Variants in MIPOL1 observed in about 807,000 individuals in gnomAD.
MIPOL1 encodes the protein mirror-image polydactyly 1.
Under a neutral mutation model 60.9 loss-of-function variants are expected in MIPOL1, and 57 were observed. That is an observed-to-expected ratio of 0.94 (90% CI 0.76 to 1.17). MIPOL1 has a LOEUF of 1.17. MIPOL1 is among the 50% of genes most tolerant of loss of function. The pLI is 0.00. For synonymous variants in MIPOL1, 179 were observed against 168.8 expected, an observed-to-expected ratio of 1.06 and a Z score of -0.47; for missense variants, 551 against 511.6, an observed-to-expected ratio of 1.08 and a Z score of -0.74.
In MIPOL1 at chr14:37,444,452, C is replaced by G. The variant is rs112322328; in HGVS notation, c.1031+21503C>G. On this transcript the variant is annotated intron_variant, in intron 11 of 12. Coordinates refer to ENST00000684589, the MANE Select transcript of MIPOL1 (RefSeq NM_001388067.1). ...ATATTTCTGTGATATCAATTCTCTC[C>G]AAATTGATCTGCAGGCTATATATTA... Among the ~76,000 whole-genome samples the G allele has an allele frequency of 3.1e-3, 468 of 152,156 alleles. 4 individuals carry two copies. Among genetic ancestry groups the G allele is most frequent in the Middle Eastern group, 0.031 (9 of 294 alleles).
At chr14:37,213,057 C>T (rs1966965090) in intron 1 of MIPOL1, among the ~76,000 whole-genome samples, 1 of 152,160 alleles carries the variant, frequency 6.6e-6, no homozygotes, top group Admixed American at 6.5e-5. Context: ...TAGGTCACAC[C>T]TGAGTCCTTT....
At chr14:37,447,249 C>G (rs1009938641) in intron 11 of MIPOL1, among the ~76,000 whole-genome samples, 1 of 151,934 alleles carries the variant, frequency 6.6e-6, no homozygotes, top group African/African-American at 2.4e-5. Flanking sequence ...TTAACCCTAA[C>G]CTCACATCCT....
chr14:37,346,108 TC>T (rs2090928171), intron 9 of MIPOL1, among the ~76,000 whole-genome samples: 1 of 152,056 alleles, frequency 6.6e-6, no homozygotes, highest in African/African-American at 2.4e-5. Context: ...GGCAGACAGA[TC>T]AATTGAGGTC....
chr14:37,489,720 C>T (rs1479231316), intron 11 of MIPOL1, among the ~76,000 whole-genome samples: 1 of 152,186 alleles, frequency 6.6e-6, no homozygotes, highest in African/African-American at 2.4e-5. Flanking sequence ...TGCTGCAGGT[C>T]TGCTGGAGTT....
intron 7 of MIPOL1, among the ~76,000 whole-genome samples, chr14:37,294,910 T>C (rs2085480510): frequency 6.6e-6 from 1 of 152,070 alleles, no homozygotes; most frequent in African/African-American, 2.4e-5. Flanking sequence ...ACTTCCCCAA[T>C]CTAGCAAGGC....
At chr14:37,431,910 A>G (rs1002401300) in intron 11 of MIPOL1, among the ~76,000 whole-genome samples, 1 of 151,840 alleles carries the variant, frequency 6.6e-6, no homozygotes, top group African/African-American at 2.4e-5. Context: ...TATTTCACCA[A>G]TCATCTTTTT....
chr14:37,358,786 C>T (rs901945388), intron 9 of MIPOL1, among the ~76,000 whole-genome samples: 19 of 152,136 alleles, frequency 1.2e-4, no homozygotes, highest in Non-Finnish European at 2.6e-4. Context: ...TGTAGGTTGC[C>T]TGTTCACTCT....
At chr14:37,348,668 A>G (rs538700511) in intron 9 of MIPOL1, among the ~76,000 whole-genome samples, 2 of 151,926 alleles carry the variant, frequency 1.3e-5, no homozygotes, top group South Asian at 4.2e-4. Flanking sequence ...AAGGATGACT[A>G]CCACTAAAAG....
intron 3 of MIPOL1, among the ~76,000 whole-genome samples, chr14:37,257,134 T>TGTGA (rs1414938484): frequency 1.3e-5 from 2 of 150,362 alleles, no homozygotes; most frequent in African/African-American, 4.9e-5. Flanking sequence ...TGTGTGTGTT[T>TGTGA]GAGAAACAAA....
intron 11 of MIPOL1, among the ~76,000 whole-genome samples, chr14:37,443,102 G>T (rs1566613286): frequency 1.3e-5 from 2 of 152,130 alleles, no homozygotes; most frequent in African/African-American, 4.8e-5. Context: ...AAAACAGTGT[G>T]ATATTAGCAT....
intron 10 of MIPOL1, 49 bp from the exon 11 acceptor site, chr14:37,422,806 A>T: frequency 1.6e-6 from 2 of 1,274,892 alleles, no homozygotes; most frequent in Non-Finnish European, 2.2e-6. Context: ...ACTGTATTTT[A>T]TCATACCAAA....
Position 37,233,738 on chromosome 14 carries a change from A to G in MIPOL1, c.-198-13365A>G, listed in dbSNP as rs145071346. Among the ~76,000 whole-genome samples the G allele has an allele frequency of 8.3e-3, 1,257 of 152,200 alleles. 25 individuals are homozygous for G. Among genetic ancestry groups the G allele is most frequent in the African/African-American group, 0.029 (1,189 of 41,512 alleles). On this transcript the variant is annotated intron_variant, in intron 1 of 12. Transcript: ENST00000684589. Reference sequence around the variant, plus strand: ...ATGAGCAGGAGCATTGCTGTGGGGGAGGAGGCCTCTCTGGTGAAGCTTTTC... The same window carrying G: ...ATGAGCAGGAGCATTGCTGTGGGGGGGGAGGCCTCTCTGGTGAAGCTTTTC...
intron 7 of MIPOL1, among the ~76,000 whole-genome samples, chr14:37,290,219 G>A (rs1416412074): frequency 1.3e-5 from 2 of 151,974 alleles, no homozygotes; most frequent in Non-Finnish European, 2.9e-5. Flanking sequence ...TGTGTGTGTG[G>A]GTTTTGTTTG....
intron 3 of MIPOL1, among the ~76,000 whole-genome samples, chr14:37,259,896 C>T (rs1594779118): frequency 1.3e-5 from 2 of 152,204 alleles, no homozygotes; most frequent in African/African-American, 4.8e-5. Context: ...CTACCTCATT[C>T]TGCCACCAAC....
intron 10 of MIPOL1, chr14:37,400,989 A>G (rs2093471008): frequency 6.6e-6 from 1 of 152,156 alleles, no homozygotes; most frequent in Non-Finnish European, 1.5e-5. Flanking sequence ...AAAATGTTAA[A>G]AGCAAAAATA....
At chr14:37,288,102 T>C (rs1262683819) in intron 7 of MIPOL1, among the ~76,000 whole-genome samples, 1 of 152,188 alleles carries the variant, frequency 6.6e-6, no homozygotes, top group Non-Finnish European at 1.5e-5. Flanking sequence ...TACACTTCTA[T>C]TAGCAGGAGT....
intron 1 of MIPOL1, among the ~76,000 whole-genome samples, chr14:37,214,155 A>T (rs1967172718): frequency 6.6e-6 from 1 of 152,040 alleles, no homozygotes; most frequent in Non-Finnish European, 1.5e-5. Context: ...CACTTGTAAT[A>T]GTAGACAGAA....
intron 6 of MIPOL1, chr14:37,277,095 C>T: frequency 6.6e-6 from 1 of 151,120 alleles, no homozygotes; most frequent in East Asian, 1.9e-4. Flanking sequence ...GAATAGCCAA[C>T]AGCTGGAAAT....
rs550587872 is a variant in MIPOL1 at position 37,348,289 on chromosome 14, G to A, written c.829-21228G>A. On this transcript the variant is annotated intron_variant, in intron 9 of 12. Coordinates refer to ENST00000684589, the MANE Select transcript of MIPOL1 (RefSeq NM_001388067.1). The stretch of plus-strand genomic sequence containing the variant: ...AAAAACTGTACCTCTGAAAAAAAGC[G>A]TTCAGCCTGGAAGGAAAACTAGATG... Among the ~76,000 whole-genome samples, 29 of 152,144 alleles carry A rather than the reference G, an allele frequency of 1.9e-4. No homozygotes were observed. In the South Asian group the frequency reaches 2.5e-3, roughly 13 times the overall value.
Sources: gnomAD v4.1 joint callset for allele counts (sites outside exome capture counted in the v4.1 genomes callset) on GRCh38, gnomAD v4.1.1 for gene constraint, MANE v1.5 for transcripts, NCBI Gene and HGNC (gene_info 2026-07-23, HGNC 2026-07-21) for gene names.